FRAS1: variants seen among roughly 807,000 people sequenced by gnomAD.
FRAS1 encodes the protein Fraser extracellular matrix complex subunit 1, also known as extracellular matrix organizing protein FRAS1.
Under a neutral mutation model 435.2 loss-of-function variants are expected in FRAS1, and 290 were observed. That is an observed-to-expected ratio of 0.67 (90% CI 0.61 to 0.73). The LOEUF (loss-of-function observed/expected upper bound fraction) is 0.73, where lower values mean the gene tolerates loss of function less well. Among genes scored for constraint, FRAS1 ranks in the 30% least tolerant of loss-of-function variants. The probability of loss-of-function intolerance (pLI) is 0.00; values close to 1 mark genes in which losing one functional copy is unlikely to be tolerated. For missense variants in FRAS1, 4,860 were observed against 5,001.5 expected, an observed-to-expected ratio of 0.97 and a Z score of 0.85; for synonymous variants, 1,800 against 1,851.0, an observed-to-expected ratio of 0.97 and a Z score of 0.71.
intron 23 of FRAS1, among the ~76,000 whole-genome samples, chr4:78,371,426 A>G (rs1731500767): frequency 6.6e-6 from 1 of 152,078 alleles, no homozygotes; most frequent in African/African-American, 2.4e-5. Flanking sequence ...CTGAATGGAG[A>G]TAGGTTCTCT....
At chr4:78,097,159 A>G (rs1282313040) in intron 2 of FRAS1, among the ~76,000 whole-genome samples, 1 of 152,198 alleles carries the variant, frequency 6.6e-6, no homozygotes, top group Non-Finnish European at 1.5e-5. Flanking sequence ...GTAAAACATA[A>G]CAAGAGTCAC....
intron 2 of FRAS1, among the ~76,000 whole-genome samples, chr4:78,234,982 C>G (rs1210771504): frequency 6.6e-6 from 1 of 152,188 alleles, no homozygotes; most frequent in Admixed American, 6.5e-5. Flanking sequence ...AAGGGATTGG[C>G]TCATGCGATC....
intron 2 of FRAS1, among the ~76,000 whole-genome samples, chr4:78,072,564 A>G (rs1168307620): frequency 1.3e-5 from 2 of 152,148 alleles, no homozygotes; most frequent in Non-Finnish European, 2.9e-5. Flanking sequence ...TGGTGTCCTG[A>G]GGATGCACTC....
chr4:78,464,663 T>A, intron 49 of FRAS1, 80 bp downstream of exon 49: 1 of 1,494,740 alleles, frequency 6.7e-7, no homozygotes, highest in East Asian at 2.3e-5. Flanking sequence ...CAGCTGTGCA[T>A]CCTGATGGTA....
intron 1 of FRAS1, among the ~76,000 whole-genome samples, chr4:78,064,803 C>A (rs762356719): frequency 6.6e-6 from 1 of 151,648 alleles, no homozygotes; most frequent in Non-Finnish European, 1.5e-5. Flanking sequence ...ATAAATGATC[C>A]ATTAGAGGTA....
intron 20 of FRAS1, among the ~76,000 whole-genome samples, chr4:78,338,804 G>A (rs1355486309): frequency 2.6e-5 from 4 of 152,234 alleles, no homozygotes; most frequent in African/African-American, 7.2e-5. Flanking sequence ...GATTGAGGGT[G>A]GGGCGGGGCA....
At chr4:78,515,129 G>A (rs1721166502) in intron 65 of FRAS1, among the ~76,000 whole-genome samples, 1 of 151,434 alleles carries the variant, frequency 6.6e-6, no homozygotes, top group Non-Finnish European at 1.5e-5. Context: ...GCTCCCTACT[G>A]CATAAAGTTC....
intron 9 of FRAS1, among the ~76,000 whole-genome samples, chr4:78,276,386 G>T (rs933126967): frequency 2.0e-5 from 3 of 152,170 alleles, no homozygotes; most frequent in African/African-American, 7.2e-5. Flanking sequence ...AGGGGTAGAG[G>T]TGCTCTGATT....
intron 53 of FRAS1, 104 bp downstream of exon 53, chr4:78,473,701 G>A (rs1175169723): frequency 2.5e-5 from 18 of 731,482 alleles, no homozygotes; most frequent in African/African-American, 1.1e-4. Context: ...TCTTGATGGC[G>A]GTGATGGTGA....
chr4:78,181,927 T>C, intron 2 of FRAS1: 1 of 1,609,158 alleles, frequency 6.2e-7, no homozygotes, highest in Non-Finnish European at 8.5e-7. Context: ...CCCTGCCGGC[T>C]TCTTTTTTCT....
At chr4:78,483,618 T>C (rs1026048971) in intron 58 of FRAS1, among the ~76,000 whole-genome samples, 1 of 151,858 alleles carries the variant, frequency 6.6e-6, no homozygotes, top group Non-Finnish European at 1.5e-5. Context: ...TTCATGTATA[T>C]AGTAGTAAAC....
rs1049619640 is a variant in FRAS1 at position 78,118,353 on chromosome 4, A to G, written c.108+52337A>G. Among the ~76,000 whole-genome samples the G allele has an allele frequency of 9.2e-5, 14 of 152,078 alleles. 1 individual carries two copies. The highest frequency in any genetic ancestry group is 6.2e-4 in the South Asian group (3 of 4,816). ...GCTGGGAGAACCACTGCTCTCCTCAACGCTGTCAGACAGGGACATTTAAGT... is the reference window on the plus strand; with the variant it reads ...GCTGGGAGAACCACTGCTCTCCTCAGCGCTGTCAGACAGGGACATTTAAGT... On this transcript the variant is annotated intron_variant, in intron 2 of 73. Transcript: ENST00000512123.
chr4:78,129,749 G>A (rs561382290), intron 2 of FRAS1, among the ~76,000 whole-genome samples: 3 of 152,212 alleles, frequency 2.0e-5, no homozygotes, highest in African/African-American at 7.2e-5. Flanking sequence ...ACCTTCTCCT[G>A]CCTAAAACTC....
At chr4:78,094,545 A>C (rs967885176) in intron 2 of FRAS1, among the ~76,000 whole-genome samples, 5 of 152,088 alleles carry the variant, frequency 3.3e-5, no homozygotes, top group Non-Finnish European at 7.4e-5. Context: ...ATAGAATCTT[A>C]ATAATATAGA....
intron 70 of FRAS1, among the ~76,000 whole-genome samples, chr4:78,529,219 G>T (rs4975137): frequency 1.3e-5 from 2 of 151,896 alleles, no homozygotes; most frequent in African/African-American, 4.8e-5. Flanking sequence ...ATAGTTAGCC[G>T]AATGAAGGAA....
chr4:78,452,231 T>C lies in FRAS1; in HGVS notation c.6640T>C (p.Ser2214Pro). 6.2e-7 allele frequency: 1 copy of C among 1,613,808 alleles called. No homozygotes were observed. The highest frequency in any genetic ancestry group is 8.5e-7 in the Non-Finnish European group (1 of 1,179,758). The change falls in exon 47 of 74, where the codon TCA becomes CCA. Residue 2214 changes from serine to proline, a missense_variant. Coordinates refer to ENST00000512123, the MANE Select transcript of FRAS1 (RefSeq NM_025074.7). ...TNKGLVLDEN[S>P]VKKITTLQLS... ...TAAAGGACTGGTCTTGGATGAAAAC[T>C]CAGTGAAGAAAATCACCACCCTGCA... is the stretch of plus-strand genomic sequence containing the variant.
intron 40 of FRAS1, among the ~76,000 whole-genome samples, chr4:78,440,393 C>T (rs1029904872): frequency 6.6e-6 from 1 of 152,118 alleles, no homozygotes; most frequent in Non-Finnish European, 1.5e-5. Context: ...TACATAAAAC[C>T]TTGGAAAAGC....
chr4:78,339,603 A>G (rs573830527), intron 20 of FRAS1, among the ~76,000 whole-genome samples: 1 of 152,242 alleles, frequency 6.6e-6, no homozygotes, highest in Non-Finnish European at 1.5e-5. Context: ...CTTTCTGAGC[A>G]TGGTTTCACC....
intron 2 of FRAS1, among the ~76,000 whole-genome samples, chr4:78,141,735 A>G (rs7678330): frequency 0.91 from 138,835 of 152,204 alleles, 63,493 homozygotes; most frequent in Admixed American, 0.95. Flanking sequence ...ACCAACCCAA[A>G]TGCCCATCAA....
Sources: gnomAD v4.1 joint callset for allele counts (sites outside exome capture counted in the v4.1 genomes callset) on GRCh38, gnomAD v4.1.1 for gene constraint, MANE v1.5 for transcripts, NCBI Gene and HGNC (gene_info 2026-07-23, HGNC 2026-07-21) for gene names.